Variants in LARGE1 observed in about 807,000 individuals in gnomAD.
The protein encoded by LARGE1 is xylosyl- and glucuronyltransferase LARGE1.
A neutral mutation model predicts 87.6 loss-of-function variants in LARGE1; 43 were observed. The ratio of observed to expected loss-of-function variants is 0.49; its 90% CI spans 0.38 to 0.63. LARGE1 has a LOEUF of 0.63. Ranked by LOEUF, LARGE1 falls within the 30% of genes least tolerant of loss-of-function variation. LARGE1 has a pLI of 0.00. For synonymous variants in LARGE1, 434 were observed against 394.6 expected, an observed-to-expected ratio of 1.10 and a Z score of -1.18; for missense variants, 802 against 1,000.2, an observed-to-expected ratio of 0.80 and a Z score of 2.67.
At position 33,624,134 on chromosome 22, in the gene LARGE1, T is replaced by C. The variant is rs16992638; in HGVS notation, c.491+2110A>G. Reference sequence around the variant, plus strand: ...GGAACTGAACTAAGTCTGGGCTGGATATATTAATTAACTGATTGAATATAT... The same window carrying C: ...GGAACTGAACTAAGTCTGGGCTGGACATATTAATTAACTGATTGAATATAT... On this transcript the variant is annotated intron_variant, in intron 4 of 14. Coordinates refer to ENST00000397394, the MANE Select transcript of LARGE1 (RefSeq NM_133642.5). Among the ~76,000 whole-genome samples the C allele has an allele frequency of 5.9e-3, 901 of 152,348 alleles. 13 individuals carry two copies. Among genetic ancestry groups the C allele is most frequent in the African/African-American group, 0.02 (840 of 41,574 alleles).
chr22:33,897,268 A>T (rs1461553618), intron 1 of LARGE1, among the ~76,000 whole-genome samples: 1 of 152,220 alleles, frequency 6.6e-6, no homozygotes, highest in Admixed American at 6.5e-5. Flanking sequence ...AATCAAGCCC[A>T]TTCTTTTGCA....
chr22:33,805,774 A>C, intron 1 of LARGE1, among the ~76,000 whole-genome samples: 1 of 151,870 alleles, frequency 6.6e-6, no homozygotes, highest in African/African-American at 2.4e-5. Context: ...TAAATAAATA[A>C]ATAAATAAAT....
intron 11 of LARGE1, among the ~76,000 whole-genome samples, chr22:33,186,107 G>GA (rs367823687): frequency 6.6e-6 from 1 of 151,896 alleles, no homozygotes; most frequent in Admixed American, 6.6e-5. Context: ...CCAATTATGG[G>GA]AAAAAAATCA....
chr22:33,420,759 CAAAT>C (rs2066662156), intron 7 of LARGE1, among the ~76,000 whole-genome samples: 1 of 152,222 alleles, frequency 6.6e-6, no homozygotes, highest in Admixed American at 6.5e-5. Context: ...TTCTGTCCAA[CAAAT>C]GAATGAACAC....
intron 7 of LARGE1, among the ~76,000 whole-genome samples, chr22:33,389,467 G>C (rs756932518): frequency 2.4e-4 from 37 of 152,242 alleles, no homozygotes; most frequent in Non-Finnish European, 4.4e-4. Flanking sequence ...GTGTGACACA[G>C]TGGTTGGGAA....
At chr22:33,546,892 C>T (rs1269152277) in intron 6 of LARGE1, among the ~76,000 whole-genome samples, 2 of 152,118 alleles carry the variant, frequency 1.3e-5, no homozygotes, top group Admixed American at 6.5e-5. Context: ...CCCATCTTAT[C>T]CATTCTTACA....
At chr22:33,559,938 C>A (rs1487852364) in intron 6 of LARGE1, among the ~76,000 whole-genome samples, 1 of 152,178 alleles carries the variant, frequency 6.6e-6, no homozygotes, top group Non-Finnish European at 1.5e-5. Flanking sequence ...CCTCTACAAC[C>A]TGGTGTATAT....
At chr22:33,652,800 TG>T (rs1171598057) in intron 2 of LARGE1, among the ~76,000 whole-genome samples, 3 of 152,192 alleles carry the variant, frequency 2.0e-5, no homozygotes, top group Non-Finnish European at 4.4e-5. Flanking sequence ...GATGTATCTT[TG>T]GGCCTTAACA....
intron 2 of LARGE1, among the ~76,000 whole-genome samples, chr22:33,695,690 T>C (rs2082221054): frequency 6.6e-6 from 1 of 152,224 alleles, no homozygotes. Flanking sequence ...CATTTTAATA[T>C]GTATATCATT....
At chr22:33,719,144 C>T (rs2083001656) in intron 2 of LARGE1, among the ~76,000 whole-genome samples, 1 of 152,152 alleles carries the variant, frequency 6.6e-6, no homozygotes, top group Admixed American at 6.6e-5. Flanking sequence ...GATTTAAAAA[C>T]AGCAAAAAGC....
chr22:33,098,401 C>T, the LARGE1 span, among the ~76,000 whole-genome samples: 2 of 152,098 alleles, frequency 1.3e-5, no homozygotes, highest in African/African-American at 4.8e-5. Flanking sequence ...GGGCAGATCA[C>T]GAGGTCAGGA....
intron 7 of LARGE1, among the ~76,000 whole-genome samples, chr22:33,417,337 C>T (rs1259418226): frequency 6.6e-6 from 1 of 152,228 alleles, no homozygotes; most frequent in African/African-American, 2.4e-5. Flanking sequence ...GCTTTTCAAG[C>T]CCCTTCTCCA....
At chr22:33,645,309 C>A (rs2080573385) in intron 3 of LARGE1, among the ~76,000 whole-genome samples, 1 of 152,164 alleles carries the variant, frequency 6.6e-6, no homozygotes, top group South Asian at 2.1e-4. Context: ...ACTATCTGAT[C>A]TTTGACAAAC....
chr22:33,469,846 A>C (rs1250733820), intron 6 of LARGE1, among the ~76,000 whole-genome samples: 1 of 148,202 alleles, frequency 6.7e-6, no homozygotes, highest in African/African-American at 2.5e-5. Flanking sequence ...AAAACAAAAA[A>C]CAAAAAACAA....
chr22:33,447,167 T>G (rs2067716395), intron 6 of LARGE1, among the ~76,000 whole-genome samples: 1 of 152,240 alleles, frequency 6.6e-6, no homozygotes, highest in African/African-American at 2.4e-5. Context: ...GTGCTGGGAT[T>G]ATAAGGCATG....
chr22:33,691,798 T>C (rs1179936589), intron 2 of LARGE1, among the ~76,000 whole-genome samples: 1 of 152,196 alleles, frequency 6.6e-6, no homozygotes, highest in African/African-American at 2.4e-5. Flanking sequence ...ATATGGAACT[T>C]AGAACAGCCT....
intron 5 of LARGE1, among the ~76,000 whole-genome samples, chr22:33,594,669 C>T (rs1386456603): frequency 1.3e-5 from 2 of 152,198 alleles, no homozygotes; most frequent in African/African-American, 4.8e-5. Context: ...TGCAATGGCG[C>T]AATCTCAGCT....
downstream of LARGE1, among the ~76,000 whole-genome samples, chr22:33,160,431 C>A (rs1362054503): frequency 6.6e-6 from 1 of 152,192 alleles, no homozygotes; most frequent in Non-Finnish European, 1.5e-5. Context: ...GGAGTCCAAC[C>A]ACTCTACCTT....
intron 3 of LARGE1, among the ~76,000 whole-genome samples, chr22:33,635,440 GT>G (rs1307118652): frequency 6.6e-6 from 1 of 152,126 alleles, no homozygotes; most frequent in East Asian, 1.9e-4. Flanking sequence ...ACACGGTGTT[GT>G]CCTTACTGGA....
Sources: gnomAD v4.1 joint callset for allele counts (sites outside exome capture counted in the v4.1 genomes callset) on GRCh38, gnomAD v4.1.1 for gene constraint, MANE v1.5 for transcripts, NCBI Gene and HGNC (gene_info 2026-07-23, HGNC 2026-07-21) for gene names.